PLXDC2: variants seen among roughly 807,000 people sequenced by gnomAD.
The protein encoded by PLXDC2 is plexin domain-containing protein 2.
PLXDC2 carries 40 observed loss-of-function variants against 68.9 expected under a neutral mutation model. The observed-to-expected ratio is 0.58, with a 90% CI of 0.45 to 0.76. The LOEUF (loss-of-function observed/expected upper bound fraction) is 0.76. PLXDC2 is among the 30% of genes least tolerant of loss of function. The pLI is 0.00. For missense variants in PLXDC2, 644 were observed against 661.9 expected, an observed-to-expected ratio of 0.97 and a Z score of 0.30; for synonymous variants, 243 against 234.2, an observed-to-expected ratio of 1.04 and a Z score of -0.34.
intron 6 of PLXDC2, among the ~76,000 whole-genome samples, chr10:20,155,558 A>C (rs192772992): frequency 6.6e-6 from 1 of 152,200 alleles, no homozygotes; most frequent in Non-Finnish European, 1.5e-5. Flanking sequence ...AATAATTCTA[A>C]GGAAAATGTA....
At chr10:20,104,882 C>T (rs1276270892) in intron 4 of PLXDC2, among the ~76,000 whole-genome samples, 1 of 151,870 alleles carries the variant, frequency 6.6e-6, no homozygotes, top group African/African-American at 2.4e-5. Flanking sequence ...GAAACTCTGT[C>T]TCTACTAAAA....
At chr10:20,221,435 T>C (rs185772306) in intron 12 of PLXDC2, among the ~76,000 whole-genome samples, 14 of 152,312 alleles carry the variant, frequency 9.2e-5, no homozygotes, top group African/African-American at 3.4e-4. Context: ...TTCATGAGAA[T>C]TCCAAAATAT....
intron 2 of PLXDC2, among the ~76,000 whole-genome samples, chr10:20,023,664 A>C (rs188872368): frequency 6.6e-6 from 1 of 152,128 alleles, no homozygotes. Context: ...ATTTCTGTTC[A>C]TTATAAATTA....
chr10:20,215,664 G>A (rs1338330264), intron 10 of PLXDC2, among the ~76,000 whole-genome samples: 1 of 152,096 alleles, frequency 6.6e-6, no homozygotes, highest in Non-Finnish European at 1.5e-5. Flanking sequence ...GCTGAGTTGA[G>A]CTAGGACATA....
intron 4 of PLXDC2, among the ~76,000 whole-genome samples, chr10:20,126,930 A>C (rs1188020826): frequency 6.7e-6 from 1 of 148,290 alleles, no homozygotes; most frequent in East Asian, 1.9e-4. Context: ...GTATGTATAT[A>C]TTATGTATAT....
At chr10:19,836,937 T>A (rs1276060927) in intron 1 of PLXDC2, among the ~76,000 whole-genome samples, 1 of 152,204 alleles carries the variant, frequency 6.6e-6, no homozygotes. Flanking sequence ...TAAGCATTTG[T>A]GAAATAGGGA....
At chr10:19,974,378 C>T (rs1834413492) in intron 1 of PLXDC2, among the ~76,000 whole-genome samples, 1 of 152,204 alleles carries the variant, frequency 6.6e-6, no homozygotes, top group South Asian at 2.1e-4. Flanking sequence ...GGGCTGTCAG[C>T]CAGTCTATGG....
chr10:20,253,193 C>T (rs1033049367), intron 13 of PLXDC2, among the ~76,000 whole-genome samples: 17 of 151,652 alleles, frequency 1.1e-4, no homozygotes, highest in African/African-American at 4.1e-4. Flanking sequence ...GGTGAAACCC[C>T]ACCTCTACTA....
chr10:20,124,741 G>A (rs1208992174), intron 4 of PLXDC2, among the ~76,000 whole-genome samples: 1 of 151,952 alleles, frequency 6.6e-6, no homozygotes, highest in African/African-American at 2.4e-5. Context: ...GGTACTCAGT[G>A]GGGGAGCTTT....
chr10:20,158,500 G>T (rs1834246047), intron 6 of PLXDC2, among the ~76,000 whole-genome samples: 1 of 23,456 alleles, frequency 4.3e-5, no homozygotes. Flanking sequence ...CTCTGTCTCT[G>T]CAAAAAAAAA....
At chr10:20,149,233 T>C (rs1833013874) in intron 6 of PLXDC2, among the ~76,000 whole-genome samples, 5 of 121,062 alleles carry the variant, frequency 4.1e-5, no homozygotes. Context: ...TCTTTTCTTT[T>C]TTTTTTTTTT....
At chr10:20,152,204 CA>C (rs1834161656) in intron 6 of PLXDC2, among the ~76,000 whole-genome samples, 1 of 151,978 alleles carries the variant, frequency 6.6e-6, no homozygotes, top group East Asian at 1.9e-4. Context: ...TAAGAAAATA[CA>C]TTTAGAGTTA....
At chr10:19,829,516 A>G (rs894653702) in intron 1 of PLXDC2, among the ~76,000 whole-genome samples, 2 of 152,116 alleles carry the variant, frequency 1.3e-5, no homozygotes, top group African/African-American at 4.8e-5. Flanking sequence ...ACGACAGGCC[A>G]GGCACGGGGG....
At chr10:20,115,282 A>T (rs187675890) in intron 4 of PLXDC2, among the ~76,000 whole-genome samples, 3 of 152,184 alleles carry the variant, frequency 2.0e-5, no homozygotes, top group Non-Finnish European at 4.4e-5. Context: ...ACCTTGACTC[A>T]TGTCAGCTTG....
intron 1 of PLXDC2, among the ~76,000 whole-genome samples, chr10:19,846,812 C>A (rs944694510): frequency 1.3e-5 from 2 of 152,118 alleles, no homozygotes; most frequent in African/African-American, 4.8e-5. Flanking sequence ...TGTTTTCACA[C>A]TGCTAAGAGA....
intron 1 of PLXDC2, among the ~76,000 whole-genome samples, chr10:19,980,879 G>C (rs1834540416): frequency 6.6e-6 from 1 of 152,112 alleles, no homozygotes; most frequent in East Asian, 1.9e-4. Context: ...CAAACATTCA[G>C]TCCATAACAT....
At chr10:19,948,726 G>T (rs1274529708) in intron 1 of PLXDC2, among the ~76,000 whole-genome samples, 3 of 151,890 alleles carry the variant, frequency 2.0e-5, no homozygotes, top group African/African-American at 7.3e-5. Flanking sequence ...TTTGTGGAAA[G>T]GTGTTGATAA....
At chr10:19,991,974 C>A (rs1177957553) in intron 1 of PLXDC2, among the ~76,000 whole-genome samples, 1 of 152,120 alleles carries the variant, frequency 6.6e-6, no homozygotes, top group Non-Finnish European at 1.5e-5. Context: ...TAGTTCAGAG[C>A]CCTCATTATA....
At chr10:20,196,920 A>G (rs960354480) in intron 9 of PLXDC2, among the ~76,000 whole-genome samples, 4 of 152,212 alleles carry the variant, frequency 2.6e-5, no homozygotes, top group African/African-American at 9.6e-5. Context: ...GTTAATTGTT[A>G]ATTCACGGCT....
Sources: allele counts gnomAD v4.1 joint callset (sites outside exome capture counted in the v4.1 genomes callset), GRCh38; gene constraint gnomAD v4.1.1; transcripts MANE v1.5; gene names NCBI Gene and HGNC (gene_info 2026-07-23, HGNC 2026-07-21).